The following PLEKHB2 variants were observed in gnomAD, a reference collection of about 807,000 sequenced individuals.
The protein encoded by PLEKHB2 is pleckstrin homology domain-containing family B member 2.
Under a neutral mutation model 36.5 loss-of-function variants are expected in PLEKHB2, and 31 were observed. The observed-to-expected ratio is 0.85, with a 90% CI of 0.64 to 1.15. PLEKHB2 has a LOEUF of 1.15. Ranked by LOEUF, PLEKHB2 falls within the 50% of genes most tolerant of loss-of-function variation. PLEKHB2 has a pLI of 0.00. For missense variants in PLEKHB2, 262 were observed against 295.3 expected (o/e 0.89, Z 0.83); for synonymous variants, 119 against 112.0 (o/e 1.06, Z -0.39).
chr2:131,108,867 A>G (rs1694994265), intron 1 of PLEKHB2, among the ~76,000 whole-genome samples: 1 of 152,224 alleles, frequency 6.6e-6, no homozygotes. Flanking sequence ...CATGCCAACT[A>G]CTTACATATT....
At position 131,147,774 on chromosome 2, in the gene PLEKHB2, G is replaced by A. The variant is rs1699403706; in HGVS notation, c.*1001G>A. On this transcript the variant is annotated 3_prime_UTR_variant, in exon 8 of 8. Coordinates refer to ENST00000693505, the MANE Select transcript of PLEKHB2 (RefSeq NM_001100623.2). ...GATAGTGCCACTGCACTTCAGCCTG[G>A]GTGACAGAGTGAGACTCTGTCTCAA... 1 of 149,718 alleles carries A rather than the reference G, an allele frequency of 6.7e-6. No homozygotes were observed. Among genetic ancestry groups the A allele is most frequent in the South Asian group, 2.1e-4 (1 of 4,674 alleles). The allele number at this position is 149,718 out of a possible 1,614,324, so 9.3% of individuals were successfully genotyped here.
chr2:131,126,642 A>G, intron 3 of PLEKHB2, 42 bp from the exon 4 acceptor site: 1 of 1,133,816 alleles, frequency 8.8e-7, no homozygotes, highest in South Asian at 1.2e-5. Context: ...ATGTAAGAAG[A>G]AATCCTGAAA....
chr2:131,106,866 G>A (rs1037039113), intron 1 of PLEKHB2, among the ~76,000 whole-genome samples: 9 of 152,142 alleles, frequency 5.9e-5, no homozygotes, highest in African/African-American at 2.2e-4. Flanking sequence ...ATTGAAGAAG[G>A]CTGCAGAAAA....
chr2:131,131,757 CCT>C (rs1491523023), intron 5 of PLEKHB2, among the ~76,000 whole-genome samples: 17 of 145,358 alleles, frequency 1.2e-4, no homozygotes, highest in South Asian at 4.3e-4. Context: ...TGAAAATCCC[CCT>C]TTTTTTTTTT....
At chr2:131,131,290 G>A (rs1209462303) in intron 5 of PLEKHB2, among the ~76,000 whole-genome samples, 1 of 152,216 alleles carries the variant, frequency 6.6e-6, no homozygotes, top group African/African-American at 2.4e-5. Flanking sequence ...TTCTAGAAAT[G>A]CTTGTATTTC....
At chr2:131,132,403 C>T (rs1697800261) in intron 5 of PLEKHB2, among the ~76,000 whole-genome samples, 1 of 152,062 alleles carries the variant, frequency 6.6e-6, no homozygotes, top group Non-Finnish European at 1.5e-5. Context: ...AGCTCCTGGG[C>T]TCGAGTGATC....
chr2:131,141,933 T>G (rs537271716), intron 7 of PLEKHB2, among the ~76,000 whole-genome samples: 1 of 152,352 alleles, frequency 6.6e-6, no homozygotes, highest in South Asian at 2.1e-4. Flanking sequence ...CATGTAAGAT[T>G]AATAAAGACA....
At chr2:131,125,382 T>C (rs972014598) in intron 2 of PLEKHB2, among the ~76,000 whole-genome samples, 11 of 152,224 alleles carry the variant, frequency 7.2e-5, no homozygotes, top group African/African-American at 2.7e-4. Flanking sequence ...AAAGCACCAG[T>C]TGGCGGGCCC....
chr2:131,142,915 C>A (rs903411175), intron 7 of PLEKHB2, among the ~76,000 whole-genome samples: 1 of 152,046 alleles, frequency 6.6e-6, no homozygotes, highest in Non-Finnish European at 1.5e-5. Flanking sequence ...TGCAGGCAGG[C>A]CCCAACTCAG....
intron 5 of PLEKHB2, among the ~76,000 whole-genome samples, chr2:131,131,758 CTT>C (rs35889012): frequency 4.1e-4 from 57 of 139,062 alleles, no homozygotes; most frequent in East Asian, 1.0e-3. Flanking sequence ...GAAAATCCCC[CTT>C]TTTTTTTTTT....
chr2:131,135,454 T>C (rs1698144970), intron 6 of PLEKHB2, among the ~76,000 whole-genome samples: 1 of 152,266 alleles, frequency 6.6e-6, no homozygotes, highest in African/African-American at 2.4e-5. Context: ...TCATGTCATC[T>C]ACAAATAGGA....
chr2:131,114,325 C>T (rs1695635427), intron 1 of PLEKHB2, among the ~76,000 whole-genome samples: 2 of 152,134 alleles, frequency 1.3e-5, no homozygotes, highest in South Asian at 2.1e-4. Flanking sequence ...GGGGTTTCAT[C>T]GTGTTAGCCA....
intron 6 of PLEKHB2, among the ~76,000 whole-genome samples, chr2:131,135,387 G>A (rs1698137253): frequency 6.6e-6 from 1 of 152,062 alleles, no homozygotes; most frequent in African/African-American, 2.4e-5. Context: ...AACTTTCTAA[G>A]CTCACTTACT....
At chr2:131,129,090 C>T (rs896820588) in intron 4 of PLEKHB2, among the ~76,000 whole-genome samples, 2 of 152,220 alleles carry the variant, frequency 1.3e-5, no homozygotes, top group African/African-American at 4.8e-5. Flanking sequence ...TTTGGGAGGT[C>T]AAGGCGGATG....
chr2:131,140,345 G>A (rs561163988), intron 7 of PLEKHB2, 70 bp downstream of exon 7: 38 of 787,506 alleles, frequency 4.8e-5, no homozygotes, highest in African/African-American at 4.5e-4. Context: ...ACCTGTAAAC[G>A]TTTTTATTTT....
intron 2 of PLEKHB2, among the ~76,000 whole-genome samples, chr2:131,121,501 G>T (rs775404803): frequency 4.6e-5 from 7 of 152,048 alleles, no homozygotes; most frequent in Non-Finnish European, 1.0e-4. Flanking sequence ...GCCCACCTGG[G>T]TTCCCAAAGT....
chr2:131,118,647 C>G (rs769971256), intron 1 of PLEKHB2, among the ~76,000 whole-genome samples: 2 of 151,544 alleles, frequency 1.3e-5, no homozygotes, highest in Non-Finnish European at 2.9e-5. Context: ...GGGCATATCA[C>G]GAGGTCAGGA....
intron 7 of PLEKHB2, chr2:131,144,495 C>CAA: frequency 1.5e-5 from 11 of 715,246 alleles, no homozygotes; most frequent in Non-Finnish European, 2.1e-5. Context: ...ATAGTCCTCC[C>CAA]ATCCTCCCAT....
intron 7 of PLEKHB2, among the ~76,000 whole-genome samples, chr2:131,143,743 A>C (rs941591647): frequency 2.6e-5 from 4 of 152,140 alleles, no homozygotes; most frequent in African/African-American, 9.7e-5. Flanking sequence ...TTGGGATCCC[A>C]TGGGATGGAG....
Sources: allele counts gnomAD v4.1 joint callset (sites outside exome capture counted in the v4.1 genomes callset), GRCh38; gene constraint gnomAD v4.1.1; transcripts MANE v1.5; gene names NCBI Gene and HGNC (gene_info 2026-07-23, HGNC 2026-07-21).